The following TIAM1 variants were observed in gnomAD, a reference collection of about 807,000 sequenced individuals.
The protein encoded by TIAM1 is TIAM Rac1 associated GEF 1, also known as rho guanine nucleotide exchange factor TIAM1.
TIAM1 carries 65 observed loss-of-function variants against 163.5 expected under a neutral mutation model. The observed-to-expected ratio is 0.40, with a 90% CI of 0.33 to 0.49. TIAM1 has a LOEUF of 0.49. TIAM1 is among the 20% of genes least tolerant of loss of function. The pLI is 0.77. For missense variants in TIAM1, 1,789 were observed against 2,044.7 expected (o/e 0.87, Z 2.41); for synonymous variants, 833 against 810.1 (o/e 1.03, Z -0.48).
At chr21:31,476,420 C>G (rs1189695643) in intron 1 of TIAM1, among the ~76,000 whole-genome samples, 2 of 152,190 alleles carry the variant, frequency 1.3e-5, no homozygotes, top group Non-Finnish European at 2.9e-5. Context: ...TCAGGAAGAA[C>G]ATCTGCACTG....
intron 2 of TIAM1, among the ~76,000 whole-genome samples, chr21:31,448,376 G>A (rs936071813): frequency 2.6e-5 from 4 of 152,110 alleles, no homozygotes; most frequent in Admixed American, 2.6e-4. Flanking sequence ...AGGAGGAGGC[G>A]GGCGGATCAC....
intron 1 of TIAM1, among the ~76,000 whole-genome samples, chr21:31,513,880 G>A (rs556501475): frequency 6.6e-6 from 1 of 152,186 alleles, no homozygotes; most frequent in East Asian, 1.9e-4. Context: ...GGTGGCATAT[G>A]CCTGTAATCC....
Position 31,497,306 on chromosome 21 carries a change from G to C in TIAM1, c.-421-33271C>G, listed in dbSNP as rs138104657. On this transcript the variant is annotated intron_variant, in intron 1 of 28. Coordinates refer to the TIAM1 transcript ENST00000286827. ...TATGAAAGTTTTTTACATTATTCTT[G>C]CTACTTTTCTGTAAGTCTGAAATTG... 5.5e-4 allele frequency among the ~76,000 whole-genome samples: 84 copies of C among 152,250 alleles called. 1 individual carries two copies. The East Asian group carries it at 0.014, about 25-fold the overall frequency.
At chr21:31,213,292 T>A (rs1311379974) in intron 10 of TIAM1, 106 bp downstream of exon 10, 7 of 954,464 alleles carry the variant, frequency 7.3e-6, no homozygotes, top group Non-Finnish European at 9.3e-6. Context: ...TTTCAGTTTT[T>A]AATATTGAGT....
At chr21:31,154,648 T>TAGTGC (rs2083535107) in intron 16 of TIAM1, among the ~76,000 whole-genome samples, 1 of 152,200 alleles carries the variant, frequency 6.6e-6, no homozygotes, top group Non-Finnish European at 1.5e-5. Context: ...ACCACACGCC[T>TAGTGC]AGTGCCGGTC....
chr21:31,483,774 T>C (rs898590984), intron 1 of TIAM1, among the ~76,000 whole-genome samples: 3 of 152,056 alleles, frequency 2.0e-5, no homozygotes, highest in Non-Finnish European at 4.4e-5. Flanking sequence ...AGAGACAATG[T>C]CCCTTGTCCC....
chr21:31,171,697 T>G (rs2084521619), intron 15 of TIAM1, among the ~76,000 whole-genome samples: 2 of 152,330 alleles, frequency 1.3e-5, no homozygotes, highest in South Asian at 4.1e-4. Flanking sequence ...GACTTTTATG[T>G]CTATTTCGCC....
At chr21:31,417,031 T>C (rs535714020) in intron 2 of TIAM1, among the ~76,000 whole-genome samples, 2 of 152,352 alleles carry the variant, frequency 1.3e-5, no homozygotes, top group East Asian at 3.9e-4. Context: ...CATTTTATTT[T>C]ATTTTTTTGA....
intron 4 of TIAM1, among the ~76,000 whole-genome samples, chr21:31,259,425 A>G (rs1257355659): frequency 1.3e-5 from 2 of 151,886 alleles, no homozygotes; most frequent in Non-Finnish European, 2.9e-5. Context: ...GCATGAGCCA[A>G]TGCACCCGAC....
chr21:31,509,888 C>G (rs1425552699), intron 1 of TIAM1, among the ~76,000 whole-genome samples: 2 of 152,170 alleles, frequency 1.3e-5, no homozygotes, highest in African/African-American at 4.8e-5. Flanking sequence ...TGGGCCCCTC[C>G]CCACCACGAG....
intron 16 of TIAM1, among the ~76,000 whole-genome samples, chr21:31,162,552 C>T (rs931214726): frequency 4.6e-5 from 7 of 152,134 alleles, no homozygotes; most frequent in Non-Finnish European, 7.3e-5. Context: ...CACATCCAAC[C>T]CAGCAGAATG....
intron 1 of TIAM1, among the ~76,000 whole-genome samples, chr21:31,486,888 T>C (rs996028849): frequency 4.6e-5 from 7 of 152,214 alleles, no homozygotes; most frequent in African/African-American, 1.7e-4. Context: ...GTGGCCGCTT[T>C]GCCCAACTCC....
chr21:31,259,191 C>T (rs1003245305), intron 4 of TIAM1, among the ~76,000 whole-genome samples: 14 of 148,310 alleles, frequency 9.4e-5, no homozygotes, highest in Non-Finnish European at 1.3e-4. Context: ...TGGTGGAATA[C>T]AGTGACATGA....
In TIAM1 at chr21:31,266,324, G is replaced by C. The variant is rs763667980; in HGVS notation, c.649C>G (p.Arg217Gly). ...GTGCTGAGCTGCCGCGGACTCGCCC[G>C]CGTTTCCATCCCCCGAGCCTCCTCG... The part of the protein sequence containing the change: ...DCEEARGMET[R>G]ASPRQLSTCQ... Residue 217 changes from arginine (R) to glycine (G), a missense_variant, in exon 4 of 28, where the codon CGG becomes GGG. This residue lies in a region of TIAM1 where 555 missense variants were observed against 564.9 expected (regional missense o/e 0.98). Coordinates refer to ENST00000541036, the MANE Select transcript of TIAM1 (RefSeq NM_001353694.2). The C allele has an allele frequency of 1.9e-6, 3 of 1,614,074 alleles. No homozygotes were observed. In the African/African-American group the frequency reaches 4.0e-5, roughly 22 times the overall value.
At chr21:31,136,620 T>C (rs2082632343) in intron 22 of TIAM1, among the ~76,000 whole-genome samples, 1 of 152,178 alleles carries the variant, frequency 6.6e-6, no homozygotes, top group Non-Finnish European at 1.5e-5. Flanking sequence ...ATTCCATGCT[T>C]GTCTACTAGA....
At chr21:31,352,936 C>T (rs988240875) in intron 2 of TIAM1, among the ~76,000 whole-genome samples, 2 of 151,606 alleles carry the variant, frequency 1.3e-5, no homozygotes, top group Non-Finnish European at 2.9e-5. Flanking sequence ...ACACATTAAC[C>T]AAGCCTTCCA....
At chr21:31,486,759 C>T (rs936378981) in intron 1 of TIAM1, among the ~76,000 whole-genome samples, 10 of 152,172 alleles carry the variant, frequency 6.6e-5, no homozygotes, top group African/African-American at 2.2e-4. Flanking sequence ...TGGGGCAGTC[C>T]CAGGGCAGAA....
intron 6 of TIAM1, among the ~76,000 whole-genome samples, chr21:31,231,398 A>T (rs1005872974): frequency 6.6e-6 from 1 of 152,088 alleles, no homozygotes; most frequent in Non-Finnish European, 1.5e-5. Flanking sequence ...CCATAATCTG[A>T]TATGTTCTGT....
chr21:31,225,449 C>A (rs939565137), intron 7 of TIAM1, among the ~76,000 whole-genome samples: 2 of 152,134 alleles, frequency 1.3e-5, no homozygotes, highest in Non-Finnish European at 2.9e-5. Flanking sequence ...TTACACAGAT[C>A]CCCTAGAAGA....
Sources: gnomAD v4.1 joint callset for allele counts (sites outside exome capture counted in the v4.1 genomes callset) on GRCh38, gnomAD v4.1.1 for gene constraint, gnomAD v4.1.1 regional missense constraint, MANE v1.5 for transcripts, NCBI Gene and HGNC (gene_info 2026-07-23, HGNC 2026-07-21) for gene names.